Variants in ARPP21 observed in about 807,000 individuals in gnomAD.
ARPP21 encodes cAMP regulated phosphoprotein 21.
A neutral mutation model predicts 113.2 loss-of-function variants in ARPP21; 69 were observed. The observed-to-expected ratio is 0.61, with a 90% CI of 0.50 to 0.74. The LOEUF is 0.74. ARPP21 is among the 30% of genes least tolerant of loss of function. The probability of loss-of-function intolerance (pLI) is 0.00; values close to 1 mark genes in which losing one functional copy is unlikely to be tolerated. For synonymous variants in ARPP21, 368 were observed against 375.5 expected, an observed-to-expected ratio of 0.98 and a Z score of 0.23; for missense variants, 1,070 against 1,037.4, an observed-to-expected ratio of 1.03 and a Z score of -0.43.
intron 19 of ARPP21, among the ~76,000 whole-genome samples, chr3:35,752,973 A>G (rs144930724): frequency 2.0e-5 from 3 of 152,036 alleles, no homozygotes; most frequent in East Asian, 1.9e-4. Context: ...ATGTGATTCT[A>G]TAACATAGCA....
At chr3:35,751,957 G>A (rs548530923) in intron 19 of ARPP21, among the ~76,000 whole-genome samples, 3 of 152,036 alleles carry the variant, frequency 2.0e-5, no homozygotes, top group Non-Finnish European at 4.4e-5. Flanking sequence ...TTGGAAATAC[G>A]TCATTACCTA....
chr3:35,710,240 G>T (rs982850720), intron 11 of ARPP21, among the ~76,000 whole-genome samples: 4 of 152,068 alleles, frequency 2.6e-5, no homozygotes, highest in African/African-American at 9.7e-5. Flanking sequence ...CATTGTTGGA[G>T]GTCTGGATGC....
intron 1 of ARPP21, among the ~76,000 whole-genome samples, chr3:35,676,626 C>T (rs897376005): frequency 2.6e-5 from 4 of 151,796 alleles, no homozygotes; most frequent in Non-Finnish European, 5.9e-5. Flanking sequence ...TTCTTATACA[C>T]TATTGAACGA....
intron 1 of ARPP21, among the ~76,000 whole-genome samples, chr3:35,651,420 C>G (rs73825891): frequency 0.014 from 2,122 of 152,120 alleles, 56 homozygotes; most frequent in African/African-American, 0.048. Flanking sequence ...TTTAATGACA[C>G]TTTTTTGTAT....
chr3:35,739,982 C>A (rs908758542), intron 18 of ARPP21, among the ~76,000 whole-genome samples: 1 of 152,192 alleles, frequency 6.6e-6, no homozygotes, highest in South Asian at 2.1e-4. Context: ...GCATTCTTTC[C>A]TTTCTTATCA....
chr3:35,640,552 C>T (rs1285692225), intron 1 of ARPP21, among the ~76,000 whole-genome samples, 154 bp downstream of exon 1: 22 of 151,972 alleles, frequency 1.4e-4, no homozygotes, highest in Admixed American at 1.4e-3. Context: ...TGTTGTTATA[C>T]ATGTATTGTG....
intron 1 of ARPP21, chr3:35,678,833 T>C: frequency 6.6e-6 from 1 of 151,912 alleles, no homozygotes; most frequent in East Asian, 1.9e-4. Context: ...CATTTAGTGT[T>C]TTCATAGATA....
intron 5 of ARPP21, chr3:35,684,229 A>G (rs1041393013): frequency 7.8e-6 from 10 of 1,279,488 alleles, no homozygotes; most frequent in Admixed American, 3.6e-5. Context: ...AAGAAACACA[A>G]TTGCTGGTTC....
chr3:35,745,959 G>C (rs1576549614), intron 19 of ARPP21, among the ~76,000 whole-genome samples: 1 of 152,158 alleles, frequency 6.6e-6, no homozygotes, highest in Non-Finnish European at 1.5e-5. Flanking sequence ...CTCTAGAGCA[G>C]CATCAAGCTA....
intron 9 of ARPP21, among the ~76,000 whole-genome samples, chr3:35,697,650 C>G (rs1462906604): frequency 6.6e-6 from 1 of 151,394 alleles, no homozygotes; most frequent in Non-Finnish European, 1.5e-5. Flanking sequence ...GTGGGTAGAC[C>G]CAGACAACAG....
intron 9 of ARPP21, among the ~76,000 whole-genome samples, chr3:35,694,692 G>A (rs1328473206): frequency 6.6e-6 from 1 of 150,964 alleles, no homozygotes; most frequent in Non-Finnish European, 1.5e-5. Context: ...TTCAAGAAGA[G>A]TCCCTGGATT....
At chr3:35,702,825 C>T (rs1397383007) in intron 9 of ARPP21, among the ~76,000 whole-genome samples, 1 of 151,710 alleles carries the variant, frequency 6.6e-6, no homozygotes, top group East Asian at 1.9e-4. Flanking sequence ...AAAAGAAGAA[C>T]TAAGACTTTC....
rs746952345 is a variant in ARPP21, at chr3:35,793,986, G to C, written c.*28G>C. 1.3e-6 allele frequency: 2 copies of C among 1,591,974 alleles called. No homozygotes were observed. Among genetic ancestry groups the C allele is most frequent in the South Asian group, 1.1e-5 (1 of 88,856 alleles). On this transcript the variant is annotated 3_prime_UTR_variant, in exon 21 of 21. Coordinates refer to ENST00000684406, the MANE Select transcript of ARPP21 (RefSeq NM_001385562.1). ...GCTCTGGCTGTGGTACATTTCTTCA[G>C]ATATTTCTCATGGCCTTTGATGGAA...
intron 4 of ARPP21, 37 bp downstream of exon 4, chr3:35,682,926 TGG>T (rs1559600569): frequency 6.5e-7 from 1 of 1,532,874 alleles, no homozygotes; most frequent in Non-Finnish European, 8.9e-7. Flanking sequence ...CCTGATATCA[TGG>T]GTATAAATTA....
At chr3:35,699,773 T>C (rs1007440137) in intron 9 of ARPP21, among the ~76,000 whole-genome samples, 4 of 151,804 alleles carry the variant, frequency 2.6e-5, no homozygotes, top group Non-Finnish European at 5.9e-5. Context: ...TGTATTTGCA[T>C]ATGGGCTTCA....
intron 15 of ARPP21, among the ~76,000 whole-genome samples, chr3:35,731,953 T>C (rs1356435029): frequency 6.6e-6 from 1 of 152,194 alleles, no homozygotes; most frequent in Non-Finnish European, 1.5e-5. Context: ...CATACTTAGT[T>C]ATTTTATTTT....
chr3:35,725,670 T>C (rs2093473931), intron 14 of ARPP21, among the ~76,000 whole-genome samples: 1 of 152,254 alleles, frequency 6.6e-6, no homozygotes. Flanking sequence ...GCTTTTCATT[T>C]TGTTTTGACT....
chr3:35,786,008 T>C (rs781204268), intron 19 of ARPP21, among the ~76,000 whole-genome samples: 3 of 151,964 alleles, frequency 2.0e-5, no homozygotes, highest in South Asian at 2.1e-4. Flanking sequence ...ACGTCAAAGA[T>C]GAAAGAAGTC....
At chr3:35,694,853 A>G (rs2083368089) in intron 9 of ARPP21, among the ~76,000 whole-genome samples, 1 of 150,090 alleles carries the variant, frequency 6.7e-6, no homozygotes, top group Non-Finnish European at 1.5e-5. Flanking sequence ...TGCTGTGCTT[A>G]TTACTGCCAC....
Sources: gnomAD v4.1 joint callset for allele counts (sites outside exome capture counted in the v4.1 genomes callset) on GRCh38, gnomAD v4.1.1 for gene constraint, MANE v1.5 for transcripts, NCBI Gene and HGNC (gene_info 2026-07-23, HGNC 2026-07-21) for gene names.